Variants in KATNIP observed in about 807,000 individuals in gnomAD.
KATNIP encodes the protein katanin-interacting protein.
A neutral mutation model predicts 174.0 loss-of-function variants in KATNIP; 126 were observed. The ratio of observed to expected loss-of-function variants is 0.72; its 90% CI spans 0.63 to 0.84. KATNIP has a LOEUF of 0.84. Among genes scored for constraint, KATNIP ranks in the 40% least tolerant of loss-of-function variants. KATNIP has a pLI of 0.00. For synonymous variants in KATNIP, 810 were observed against 835.7 expected (o/e 0.97, Z 0.53); for missense variants, 1,958 against 2,109.7 (o/e 0.93, Z 1.41).
At chr16:27,565,465 C>CAA (rs1382590988) in intron 1 of KATNIP, among the ~76,000 whole-genome samples, 3 of 72,222 alleles carry the variant, frequency 4.2e-5, no homozygotes, top group East Asian at 3.7e-4. Context: ...GACTCTGTCT[C>CAA]AAAAAAAAAA....
chr16:27,740,191 G>C lies in KATNIP; in HGVS notation c.1894G>C (p.Ala632Pro). 6.2e-7 allele frequency: 1 copy of C among 1,614,172 alleles called. No individual in the cohort carries two copies. The highest frequency in any genetic ancestry group is 8.5e-7 in the Non-Finnish European group (1 of 1,180,032). The change falls in exon 15 of 28, where the codon GCC becomes CCC. Residue 632 changes from alanine to proline, a missense_variant. Around this residue, in one of 3 missense-constraint regions of KATNIP, gnomAD observed 1,557 missense variants for 1,617.8 expected, o/e 0.96. Coordinates refer to ENST00000261588, the MANE Select transcript of KATNIP (RefSeq NM_015202.5). ...CGAGAAGAGCGAGCAACTAGAGGAG[G>C]CCATGAACGCTCACTCGGAAGAAAG... Reference protein sequence around the residue: ...KNEKSEQLEEAMNAHSEESKG... With the variant: ...KNEKSEQLEEPMNAHSEESKG...
chr16:27,606,239 G>T (rs1274240412), intron 2 of KATNIP, among the ~76,000 whole-genome samples: 1 of 152,184 alleles, frequency 6.6e-6, no homozygotes, highest in African/African-American at 2.4e-5. Context: ...GAGAATAGAG[G>T]AACTGGCACT....
chr16:27,625,776 AAC>A (rs749919296), intron 3 of KATNIP, among the ~76,000 whole-genome samples: 4 of 152,164 alleles, frequency 2.6e-5, no homozygotes, highest in Non-Finnish European at 4.4e-5. Flanking sequence ...TGGGTCCACA[AAC>A]ACACAGTTTT....
intron 2 of KATNIP, among the ~76,000 whole-genome samples, chr16:27,594,276 A>T (rs1050906475): frequency 2.6e-5 from 4 of 151,996 alleles, no homozygotes; most frequent in Non-Finnish European, 5.9e-5. Context: ...AACAACAACC[A>T]GGGCTTGTTC....
intron 20 of KATNIP, among the ~76,000 whole-genome samples, chr16:27,768,281 C>T (rs891692284): frequency 6.6e-6 from 1 of 152,182 alleles, no homozygotes; most frequent in South Asian, 2.1e-4. Flanking sequence ...GGGCAAATCA[C>T]TTAGTCCCTG....
intron 17 of KATNIP, among the ~76,000 whole-genome samples, chr16:27,752,220 G>A (rs9930236): frequency 2.6e-5 from 4 of 152,122 alleles, no homozygotes; most frequent in East Asian, 1.9e-4. Flanking sequence ...AGTCTGGGGG[G>A]AGTTTTTGCT....
chr16:27,668,287 TGTG>T (rs1209320431), intron 6 of KATNIP, among the ~76,000 whole-genome samples: 1 of 152,160 alleles, frequency 6.6e-6, no homozygotes, highest in Non-Finnish European at 1.5e-5. Context: ...AATTCCCACA[TGTG>T]GTGGGTGGAT....
In KATNIP at chr16:27,648,705, G is replaced by A; in HGVS notation, c.510G>A (p.Gln170=). ...AGCTGTGTGGGGATGTGACTCTCCA[G>A]GCAAACAACACTTCTGAGGATCGTC... ...DFELCGDVTL[Q]ANNTSEDRPQ... is the part of the protein sequence containing the mutation. Residue 170 remains glutamine, a synonymous_variant, in exon 6 of 28, where the codon CAG becomes CAA. Transcript: ENST00000261588. 1.2e-6 allele frequency: 2 copies of A among 1,614,144 alleles called. No homozygotes were observed. Among genetic ancestry groups the A allele is most frequent in the Non-Finnish European group, 1.7e-6 (2 of 1,180,012 alleles).
intron 2 of KATNIP, among the ~76,000 whole-genome samples, chr16:27,599,270 A>G (rs955781254): frequency 6.6e-6 from 1 of 152,234 alleles, no homozygotes; most frequent in African/African-American, 2.4e-5. Flanking sequence ...CCCGTACACC[A>G]GAAACTGCTC....
chr16:27,778,051 C>T, intron 27 of KATNIP, 82 bp downstream of exon 27: 2 of 1,248,394 alleles, frequency 1.6e-6, no homozygotes, highest in Non-Finnish European at 1.1e-6. Flanking sequence ...CTTGCACCCC[C>T]ACCCTCACCC....
At chr16:27,600,732 CTTTT>C (rs747524073) in intron 2 of KATNIP, among the ~76,000 whole-genome samples, 2 of 142,378 alleles carry the variant, frequency 1.4e-5, no homozygotes, top group Admixed American at 7.1e-5. Context: ...GCTGCCTCCT[CTTTT>C]TTTTTTTTTT....
intron 1 of KATNIP, among the ~76,000 whole-genome samples, chr16:27,556,049 C>A (rs1306236734): frequency 6.6e-6 from 1 of 151,622 alleles, no homozygotes; most frequent in Non-Finnish European, 1.5e-5. Context: ...ATTGCTTGAA[C>A]CTGGGAGGCG....
At chr16:27,729,935 T>G (rs1451541404) in intron 14 of KATNIP, among the ~76,000 whole-genome samples, 1 of 152,216 alleles carries the variant, frequency 6.6e-6, no homozygotes, top group Non-Finnish European at 1.5e-5. Flanking sequence ...CATCCTTCCC[T>G]CCACTGCTCA....
chr16:27,738,069 C>G lies in KATNIP; in HGVS notation c.1744-1972C>G, dbSNP rs2080963538. Among the ~76,000 whole-genome samples, 3 of 152,126 alleles carry G rather than the reference C, an allele frequency of 2.0e-5. No homozygotes were observed. The South Asian group carries it at 6.2e-4, about 32-fold the overall frequency. On this transcript the variant is annotated intron_variant, in intron 14 of 27. Transcript: ENST00000261588. ...GGTGACGGACAGATCATGCGGGGGG[C>G]CCTGCAATGGAATATTCCTTAGCAG...
chr16:27,632,822 C>G (rs1485081158), intron 5 of KATNIP, among the ~76,000 whole-genome samples: 1 of 151,946 alleles, frequency 6.6e-6, no homozygotes, highest in East Asian at 1.9e-4. Context: ...GTGATCTTGG[C>G]TCACTGCAAC....
At chr16:27,582,600 GT>G (rs2090740844) in intron 2 of KATNIP, among the ~76,000 whole-genome samples, 1 of 152,196 alleles carries the variant, frequency 6.6e-6, no homozygotes, top group African/African-American at 2.4e-5. Flanking sequence ...ATTAGAAGCA[GT>G]GCAGCAGAGG....
chr16:27,765,440 T>G (rs547567140), intron 19 of KATNIP, among the ~76,000 whole-genome samples: 1 of 152,266 alleles, frequency 6.6e-6, no homozygotes, highest in African/African-American at 2.4e-5. Flanking sequence ...CATGAGGGGC[T>G]CCCTCCTACA....
At chr16:27,705,032 G>A (rs1296129503) in intron 12 of KATNIP, among the ~76,000 whole-genome samples, 3 of 149,908 alleles carry the variant, frequency 2.0e-5, no homozygotes, top group Admixed American at 6.7e-5. Context: ...TGCCTCAGCC[G>A]ACTGAGTAGC....
At chr16:27,716,196 C>G (rs2079929924) in intron 13 of KATNIP, among the ~76,000 whole-genome samples, 1 of 152,120 alleles carries the variant, frequency 6.6e-6, no homozygotes, top group Admixed American at 6.5e-5. Context: ...GGAAGCCAGA[C>G]ACAGAAGGCT....
Sources: gnomAD v4.1 joint callset for allele counts (sites outside exome capture counted in the v4.1 genomes callset) on GRCh38, gnomAD v4.1.1 for gene constraint, gnomAD v4.1.1 regional missense constraint, MANE v1.5 for transcripts, NCBI Gene and HGNC (gene_info 2026-07-23, HGNC 2026-07-21) for gene names.